RAB11FIP4: variants seen among roughly 807,000 people sequenced by gnomAD.
RAB11FIP4 encodes rab11 family-interacting protein 4.
In RAB11FIP4, 23 loss-of-function variants were observed where a neutral mutation model predicts 74.3. That is an observed-to-expected ratio of 0.31 (90% CI 0.22 to 0.44). The LOEUF is 0.44. Ranked by LOEUF, RAB11FIP4 falls within the 20% of genes least tolerant of loss-of-function variation. The pLI, the probability that RAB11FIP4 is intolerant of heterozygous loss-of-function variation, is 1.00. For synonymous variants in RAB11FIP4, 360 were observed against 359.9 expected (o/e 1.00, Z 0.00); for missense variants, 630 against 863.9 (o/e 0.73, Z 3.39).
chr17:31,523,851 C>A (rs2072714419), intron 8 of RAB11FIP4, 42 bp from the exon 9 acceptor site: 2 of 1,459,250 alleles, frequency 1.4e-6, no homozygotes, highest in Non-Finnish European at 1.9e-6. Flanking sequence ...GGTTCTGTGG[C>A]CTCAGAGGTC....
At position 31,395,903 on chromosome 17, in the gene RAB11FIP4, C is replaced by T. The variant is rs148821935; in HGVS notation, c.159+3892C>T. ...CAGCAGAAAAGAGGAGACAATGGGC[C>T]GGGCGTGGTGGCTCATGCCGGTAAT... is the stretch of plus-strand genomic sequence containing the variant. On this transcript the variant is annotated intron_variant, in intron 1 of 14. Coordinates refer to ENST00000621161, the MANE Select transcript of RAB11FIP4 (RefSeq NM_032932.6). 5.1e-4 allele frequency among the ~76,000 whole-genome samples: 77 copies of T among 152,166 alleles called. 2 individuals carry two copies. The East Asian group carries it at 0.014, about 28-fold the overall frequency.
At chr17:31,457,464 C>A (rs914763311) in intron 3 of RAB11FIP4, among the ~76,000 whole-genome samples, 1 of 152,060 alleles carries the variant, frequency 6.6e-6, no homozygotes, top group Non-Finnish European at 1.5e-5. Flanking sequence ...CAGGCCTAAC[C>A]TGGGGAAGCA....
intron 1 of RAB11FIP4, among the ~76,000 whole-genome samples, chr17:31,419,793 G>A (rs1455967422): frequency 1.3e-5 from 2 of 151,882 alleles, no homozygotes; most frequent in African/African-American, 2.4e-5. Context: ...CTCATGATCC[G>A]CCCACCTCAG....
At chr17:31,471,737 C>T (rs2071738926) in intron 3 of RAB11FIP4, among the ~76,000 whole-genome samples, 1 of 152,184 alleles carries the variant, frequency 6.6e-6, no homozygotes, top group Non-Finnish European at 1.5e-5. Flanking sequence ...TGAAAGGCCC[C>T]CACCCTGCTG....
chr17:31,451,635 C>G (rs77765483), intron 3 of RAB11FIP4, among the ~76,000 whole-genome samples: 2,438 of 152,188 alleles, frequency 0.016, 71 homozygotes, highest in African/African-American at 0.055. Flanking sequence ...GTTCAGCCAC[C>G]CTGACCTGTT....
At chr17:31,466,484 GCTGTTA>G (rs1216652200) in intron 3 of RAB11FIP4, among the ~76,000 whole-genome samples, 1 of 152,178 alleles carries the variant, frequency 6.6e-6, no homozygotes, top group Middle Eastern at 3.2e-3. Flanking sequence ...AGTGTTAGCA[GCTGTTA>G]CACCATTTTA....
At chr17:31,420,957 G>A (rs1042394774) in intron 1 of RAB11FIP4, among the ~76,000 whole-genome samples, 1 of 151,988 alleles carries the variant, frequency 6.6e-6, no homozygotes, top group Non-Finnish European at 1.5e-5. Flanking sequence ...GGTGGTGCAT[G>A]CCTGTAATCC....
intron 1 of RAB11FIP4, among the ~76,000 whole-genome samples, chr17:31,411,808 G>T (rs2071099183): frequency 6.6e-6 from 1 of 152,250 alleles, no homozygotes; most frequent in African/African-American, 2.4e-5. Flanking sequence ...CTGCCTGGGG[G>T]TGCCTCCCAT....
chr17:31,510,345 T>C (rs1364606583), intron 3 of RAB11FIP4, among the ~76,000 whole-genome samples: 4 of 152,206 alleles, frequency 2.6e-5, no homozygotes, highest in Non-Finnish European at 5.9e-5. Context: ...CTAGGCTTAG[T>C]GTGTGTCCAC....
At chr17:31,418,421 A>G (rs1337597957) in intron 1 of RAB11FIP4, among the ~76,000 whole-genome samples, 4 of 151,730 alleles carry the variant, frequency 2.6e-5, no homozygotes, top group Non-Finnish European at 5.9e-5. Context: ...AAAAATAAAA[A>G]TTTAAAGTCA....
chr17:31,461,958 G>A (rs2071637883), intron 3 of RAB11FIP4, among the ~76,000 whole-genome samples: 1 of 152,078 alleles, frequency 6.6e-6, no homozygotes, highest in East Asian at 1.9e-4. Flanking sequence ...GGAATCACCT[G>A]GGGAGCTTTA....
intron 1 of RAB11FIP4, among the ~76,000 whole-genome samples, chr17:31,406,299 G>C (rs1386603755): frequency 2.0e-5 from 3 of 152,248 alleles, no homozygotes; most frequent in Non-Finnish European, 4.4e-5. Flanking sequence ...CTGCCAGCCA[G>C]AGGAGTGGCC....
At chr17:31,425,094 G>T (rs1328638925) in intron 1 of RAB11FIP4, among the ~76,000 whole-genome samples, 1 of 152,196 alleles carries the variant, frequency 6.6e-6, no homozygotes, top group Admixed American at 6.6e-5. Flanking sequence ...CTTGTGTTCA[G>T]CCGTCTTCTA....
At chr17:31,439,306 G>A (rs1744808692) in intron 3 of RAB11FIP4, among the ~76,000 whole-genome samples, 1 of 152,202 alleles carries the variant, frequency 6.6e-6, no homozygotes. Context: ...CTTCCACAAA[G>A]CCTGTACCAT....
chr17:31,479,638 TTTA>T (rs1487184497), intron 3 of RAB11FIP4, among the ~76,000 whole-genome samples: 1 of 152,184 alleles, frequency 6.6e-6, no homozygotes, highest in Non-Finnish European at 1.5e-5. Context: ...CAAGGAATAA[TTTA>T]TTATCACTGG....
chr17:31,525,645 C>T (rs1036145749), intron 10 of RAB11FIP4: 8 of 187,072 alleles, frequency 4.3e-5, no homozygotes, highest in Non-Finnish European at 7.9e-5. Context: ...GTCATTGGAA[C>T]GTGACGCAGG....
chr17:31,497,997 G>A (rs972018229), intron 3 of RAB11FIP4, among the ~76,000 whole-genome samples: 1 of 152,146 alleles, frequency 6.6e-6, no homozygotes, highest in Non-Finnish European at 1.5e-5. Flanking sequence ...GAGGCATTGG[G>A]GTGGGTAAAG....
intron 3 of RAB11FIP4, among the ~76,000 whole-genome samples, chr17:31,447,517 CTTTAT>C (rs1415970601): frequency 1.3e-5 from 2 of 152,110 alleles, no homozygotes; most frequent in African/African-American, 2.4e-5. Context: ...TTTTATTTTA[CTTTAT>C]TTTATTTATT....
chr17:31,510,392 G>A (rs527384796), intron 3 of RAB11FIP4, among the ~76,000 whole-genome samples: 4 of 152,334 alleles, frequency 2.6e-5, no homozygotes, highest in South Asian at 2.1e-4. Context: ...CAGCGGCAGC[G>A]CTGCACGTGT....
Sources: gnomAD v4.1 joint callset for allele counts (sites outside exome capture counted in the v4.1 genomes callset) on GRCh38, gnomAD v4.1.1 for gene constraint, MANE v1.5 for transcripts, NCBI Gene and HGNC (gene_info 2026-07-23, HGNC 2026-07-21) for gene names.